Variants in AGK observed in about 807,000 individuals in gnomAD.
The protein encoded by AGK is acylglycerol kinase, also known as acylglycerol kinase, mitochondrial.
AGK carries 52 observed loss-of-function variants against 66.4 expected under a neutral mutation model. The observed-to-expected ratio is 0.78, with a 90% CI of 0.63 to 0.99. AGK has a LOEUF of 0.99. Ranked by LOEUF, AGK falls within the 50% of genes least tolerant of loss-of-function variation. The probability of loss-of-function intolerance (pLI) is 0.00; values close to 1 mark genes in which losing one functional copy is unlikely to be tolerated. For synonymous variants in AGK, 182 were observed against 181.1 expected (o/e 1.00, Z -0.04); for missense variants, 451 against 506.6 (o/e 0.89, Z 1.05).
At chr7:141,582,014 C>A (rs376247068) in intron 2 of AGK, among the ~76,000 whole-genome samples, 7 of 151,984 alleles carry the variant, frequency 4.6e-5, no homozygotes, top group East Asian at 3.9e-4. Context: ...GACTTACCGT[C>A]CACTCTGAGA....
At chr7:141,565,431 A>G (rs2116864780) in intron 2 of AGK, among the ~76,000 whole-genome samples, 1 of 152,226 alleles carries the variant, frequency 6.6e-6, no homozygotes, top group South Asian at 2.1e-4. Flanking sequence ...CGGGCAGATC[A>G]ACTAAGGTCA....
intron 9 of AGK, among the ~76,000 whole-genome samples, chr7:141,629,935 G>A (rs577368250): frequency 6.6e-6 from 1 of 152,308 alleles, no homozygotes; most frequent in African/African-American, 2.4e-5. Context: ...AAGAAGGGTT[G>A]CACAGTTAAC....
Position 141,596,531 on chromosome 7 carries a change from T to C in AGK, c.142-31T>C, listed in dbSNP as rs759166266. 6 of 1,594,148 alleles carry C rather than the reference T, an allele frequency of 3.8e-6. No individual in the cohort carries two copies. In the Admixed American group the frequency reaches 6.7e-5, roughly 18 times the overall value. On this transcript the variant is annotated intron_variant, in intron 3 of 15. Transcript: ENST00000649286. ...TGACATTTACCAAATAAATGGACTT[T>C]TACTGAAAACTTTGCTCTTTTCTTT...
At chr7:141,617,663 G>A (rs529184863) in intron 8 of AGK, among the ~76,000 whole-genome samples, 14 of 152,236 alleles carry the variant, frequency 9.2e-5, no homozygotes, top group African/African-American at 3.4e-4. Flanking sequence ...TTTAGTTATT[G>A]GCAGGAGAAT....
intron 2 of AGK, among the ~76,000 whole-genome samples, chr7:141,564,788 G>A (rs894148611): frequency 4.6e-5 from 7 of 151,774 alleles, no homozygotes; most frequent in East Asian, 1.9e-4. Flanking sequence ...GGAGTGCAAC[G>A]GCATGATCTC....
At position 141,649,306 on chromosome 7, in the gene AGK, T is replaced by G; in HGVS notation, c.1019T>G (p.Ile340Ser). The G allele has an allele frequency of 2.5e-6, 4 of 1,613,654 alleles. No homozygotes were observed. The highest frequency in any genetic ancestry group is 3.4e-6 in the Non-Finnish European group (4 of 1,179,648). ...FLNICIEPDTISKGDFITIGS... is the reference protein window; with the variant it reads ...FLNICIEPDTSSKGDFITIGS... ...AATATCTGCATTGAACCTGACACCATCAGCAAAGGAGACTTTATAACTATA... is the reference window on the plus strand; with the variant it reads ...AATATCTGCATTGAACCTGACACCAGCAGCAAAGGAGACTTTATAACTATA... The change falls in exon 14 of 16, where the codon ATC becomes AGC. Residue 340 changes from isoleucine to serine, a missense_variant. By Grantham distance (142) the Ile-to-Ser change is moderately radical (BLOSUM62 -2). Transcript: ENST00000649286.
chr7:141,594,844 G>T (rs918414858), intron 3 of AGK, among the ~76,000 whole-genome samples: 8 of 151,690 alleles, frequency 5.3e-5, no homozygotes, highest in Non-Finnish European at 1.0e-4. Context: ...GTAGAGACGG[G>T]GTTTCACCAT....
rs1795289442 is a variant in AGK at position 141,559,478 on chromosome 7, T to C, written c.101+3911T>C. Among the ~76,000 whole-genome samples the C allele has an allele frequency of 2.6e-5, 4 of 152,194 alleles. No homozygotes were observed. The South Asian group carries it at 8.3e-4, about 31-fold the overall frequency. ...TGTTGTTCATTAGTCTATATATCTGTATTTATGCCAATACCACACTGTTTT... is the reference window on the plus strand; with the variant it reads ...TGTTGTTCATTAGTCTATATATCTGCATTTATGCCAATACCACACTGTTTT... On this transcript the variant is annotated intron_variant, in intron 2 of 15. Transcript: ENST00000649286.
At chr7:141,638,854 C>G (rs536232356) in intron 11 of AGK, among the ~76,000 whole-genome samples, 20 of 152,158 alleles carry the variant, frequency 1.3e-4, no homozygotes, top group African/African-American at 4.6e-4. Flanking sequence ...AGCAAAGATA[C>G]AATTGTGATT....
intron 2 of AGK, among the ~76,000 whole-genome samples, chr7:141,588,185 A>T (rs1330667678): frequency 2.0e-5 from 3 of 152,346 alleles, no homozygotes; most frequent in South Asian, 2.1e-4. Context: ...CCCATTGAGT[A>T]TTGTCTGAAG....
chr7:141,578,777 G>A lies in AGK; in HGVS notation c.102-14369G>A, dbSNP rs199645540. ...AAACTAAACAGAAGACACAAGGTCC[G>A]AATAAGAGAAGAAAAACAGCTATTA... On this transcript the variant is annotated intron_variant, in intron 2 of 15. Coordinates refer to ENST00000649286, the MANE Select transcript of AGK (RefSeq NM_018238.4). Among the ~76,000 whole-genome samples the A allele has an allele frequency of 1.3e-3, 201 of 151,430 alleles. 1 individual carries two copies. The highest frequency in any genetic ancestry group is 2.6e-3 in the Non-Finnish European group (177 of 67,772).
At chr7:141,574,657 C>A (rs759828542) in intron 2 of AGK, among the ~76,000 whole-genome samples, 2 of 152,102 alleles carry the variant, frequency 1.3e-5, no homozygotes, top group African/African-American at 4.8e-5. Context: ...AGCCTCCAGG[C>A]GATACATTTT....
At chr7:141,581,927 T>C (rs1193756346) in intron 2 of AGK, among the ~76,000 whole-genome samples, 1 of 151,946 alleles carries the variant, frequency 6.6e-6, no homozygotes, top group Non-Finnish European at 1.5e-5. Flanking sequence ...ACAACAGTTA[T>C]GGGGGCAAGG....
At chr7:141,641,462 C>T (rs899198388) in intron 12 of AGK, 64 bp downstream of exon 12, 3 of 1,526,754 alleles carry the variant, frequency 2.0e-6, no homozygotes, top group African/African-American at 2.8e-5. Flanking sequence ...CTAAAGTAGA[C>T]CTCCAAAATC....
intron 2 of AGK, among the ~76,000 whole-genome samples, chr7:141,585,013 G>A (rs1795967239): frequency 6.6e-6 from 1 of 152,208 alleles, no homozygotes; most frequent in Non-Finnish European, 1.5e-5. Context: ...TGATGGTGTG[G>A]TTTGGAGAAC....
chr7:141,578,739 TG>T (rs756174704), intron 2 of AGK, among the ~76,000 whole-genome samples: 40 of 152,006 alleles, frequency 2.6e-4, no homozygotes, highest in South Asian at 4.1e-4. Context: ...GATGCAGTTT[TG>T]TATGAATTGA....
chr7:141,619,627 T>C lies in AGK; in HGVS notation c.519-2105T>C, dbSNP rs900792152. 2.0e-5 allele frequency among the ~76,000 whole-genome samples: 3 copies of C among 150,446 alleles called. No individual in the cohort carries two copies. The East Asian group carries it at 5.9e-4, about 29-fold the overall frequency. ...AGTCATTAGAGAAATGCAAATTAAATCTACCATGAGATGCCACTATGCATC... is the reference window on the plus strand; with the variant it reads ...AGTCATTAGAGAAATGCAAATTAAACCTACCATGAGATGCCACTATGCATC... On this transcript the variant is annotated intron_variant, in intron 8 of 15. Transcript: ENST00000649286.
At chr7:141,560,129 T>G (rs1795307259) in intron 2 of AGK, among the ~76,000 whole-genome samples, 1 of 152,208 alleles carries the variant, frequency 6.6e-6, no homozygotes, top group Non-Finnish European at 1.5e-5. Context: ...TGAGTAGAAG[T>G]GATGAGTGGA....
At chr7:141,620,852 C>T (rs1156599838) in intron 8 of AGK, among the ~76,000 whole-genome samples, 1 of 152,170 alleles carries the variant, frequency 6.6e-6, no homozygotes, top group African/African-American at 2.4e-5. Context: ...CTTAACAAGG[C>T]CTGTCCTCAG....
Sources: allele counts gnomAD v4.1 joint callset (sites outside exome capture counted in the v4.1 genomes callset), GRCh38; gene constraint gnomAD v4.1.1; transcripts MANE v1.5; gene names NCBI Gene and HGNC (gene_info 2026-07-23, HGNC 2026-07-21).